TLN2: variants seen among roughly 807,000 people sequenced by gnomAD.
The protein encoded by TLN2 is talin 2.
A neutral mutation model predicts 294.7 loss-of-function variants in TLN2; 118 were observed. The ratio of observed to expected loss-of-function variants is 0.40; its 90% confidence interval spans 0.34 to 0.47. The LOEUF (loss-of-function observed/expected upper bound fraction) is 0.47. TLN2 is among the 20% of genes least tolerant of loss of function. TLN2 has a pLI of 0.84. For synonymous variants in TLN2, 1,431 were observed against 1,304.5 expected, an observed-to-expected ratio of 1.10 and a Z score of -2.09; for missense variants, 3,083 against 3,282.2, an observed-to-expected ratio of 0.94 and a Z score of 1.48.
intron 57 of TLN2, among the ~76,000 whole-genome samples, chr15:62,838,580 T>A (rs942042512): frequency 1.3e-5 from 2 of 152,232 alleles, no homozygotes; most frequent in African/African-American, 4.8e-5. Context: ...ATTTATTAAA[T>A]ATTTACATAA....
At chr15:62,722,588 A>G in intron 26 of TLN2, 101 bp downstream of exon 26, 1 of 1,376,108 alleles carries the variant, frequency 7.3e-7, no homozygotes, top group Admixed American at 2.6e-5. Context: ...TTTCTTGGCA[A>G]AGTTGTCCAT....
intron 5 of TLN2, 54 bp downstream of exon 5, chr15:62,650,235 T>C: frequency 1.9e-6 from 3 of 1,561,538 alleles, no homozygotes; most frequent in Non-Finnish European, 2.6e-6. Context: ...TGGGCCTTCT[T>C]CCATAGACGC....
intron 4 of TLN2, among the ~76,000 whole-genome samples, chr15:62,649,186 C>T (rs1173847232): frequency 6.6e-6 from 1 of 152,102 alleles, no homozygotes; most frequent in South Asian, 2.1e-4. Flanking sequence ...TTCTAGATTA[C>T]TCAGAAATAA....
chr15:62,807,294 C>G (rs1179871931), intron 51 of TLN2, among the ~76,000 whole-genome samples: 1 of 152,166 alleles, frequency 6.6e-6, no homozygotes, highest in Non-Finnish European at 1.5e-5. Context: ...TTTCGAAGAG[C>G]TGTCATATAT....
chr15:62,506,204 C>G (rs1209335153), intron 1 of TLN2, among the ~76,000 whole-genome samples: 1 of 152,110 alleles, frequency 6.6e-6, no homozygotes, highest in African/African-American at 2.4e-5. Flanking sequence ...TCTCTGTCCT[C>G]TGAAATCATT....
chr15:62,659,684 G>A (rs1038760292), intron 9 of TLN2, among the ~76,000 whole-genome samples: 1 of 152,200 alleles, frequency 6.6e-6, no homozygotes. Context: ...GTTTATGCCT[G>A]TAGTGGTACC....
At chr15:62,666,871 A>G (rs75289504) in intron 9 of TLN2, among the ~76,000 whole-genome samples, 5,527 of 152,324 alleles carry the variant, frequency 0.036, 346 homozygotes, top group African/African-American at 0.13. Flanking sequence ...TCATCTGATC[A>G]GAATTATCTA....
At position 62,520,581 on chromosome 15, in the gene TLN2, C is replaced by T. The variant is rs1013263591; in HGVS notation, c.-237-69106C>T. Reference sequence around the variant, plus strand: ...GTTATATCTACCCCTCTGTTGGCAACGGGACACTAAGTCAACCTTTTCTTA... The same window carrying T: ...GTTATATCTACCCCTCTGTTGGCAATGGGACACTAAGTCAACCTTTTCTTA... On this transcript the variant is annotated intron_variant, in intron 1 of 58. Transcript: ENST00000636159. Among the ~76,000 whole-genome samples, 8 of 152,266 alleles carry T rather than the reference C, an allele frequency of 5.3e-5. No individual in the cohort carries two copies. In the East Asian group the frequency reaches 5.8e-4, roughly 11 times the overall value.
At chr15:62,424,863 G>A (rs2034613237) in intron 1 of TLN2, among the ~76,000 whole-genome samples, 1 of 149,806 alleles carries the variant, frequency 6.7e-6, no homozygotes, top group South Asian at 2.1e-4. Context: ...GTGTTGGCCA[G>A]GCTGGTCTTG....
chr15:62,800,601 G>A (rs2065868629), intron 49 of TLN2, 52 bp from the exon 50 acceptor site: 6 of 1,611,344 alleles, frequency 3.7e-6, no homozygotes, highest in Non-Finnish European at 5.1e-6. Context: ...AAGGAGTAGG[G>A]GCTGGACCTG....
intron 1 of TLN2, among the ~76,000 whole-genome samples, chr15:62,571,545 A>G (rs1163772209): frequency 6.6e-6 from 1 of 152,216 alleles, no homozygotes; most frequent in Non-Finnish European, 1.5e-5. Context: ...TCATACTAAT[A>G]CAATTAAGTT....
At chr15:62,468,041 A>G (rs707598) in intron 1 of TLN2, among the ~76,000 whole-genome samples, 54,080 of 152,090 alleles carry the variant, frequency 0.36, 10,240 homozygotes, top group East Asian at 0.7. Flanking sequence ...GCTTTTAATA[A>G]TCCAGACCCT....
chr15:62,840,338 G>C (rs772233087), intron 58 of TLN2, 144 bp from the exon 59 acceptor site: 55 of 1,200,094 alleles, frequency 4.6e-5, no homozygotes, highest in Non-Finnish European at 6.1e-5. Context: ...GACAGAGGCT[G>C]GTCGCCAGAG....
chr15:62,758,084 A>G (rs2062419257), intron 37 of TLN2, among the ~76,000 whole-genome samples: 1 of 152,130 alleles, frequency 6.6e-6, no homozygotes, highest in Non-Finnish European at 1.5e-5. Flanking sequence ...TATGCTGCTT[A>G]GTGCTGTTTT....
intron 25 of TLN2, 51 bp from the exon 26 acceptor site, chr15:62,722,302 C>T: frequency 1.3e-6 from 2 of 1,569,216 alleles, no homozygotes; most frequent in Non-Finnish European, 1.7e-6. Flanking sequence ...TCTCTCCTCT[C>T]TACCTCTTGC....
intron 55 of TLN2, chr15:62,835,498 C>T (rs559435785): frequency 5.2e-6 from 3 of 578,192 alleles, no homozygotes; most frequent in Non-Finnish European, 9.3e-6. Flanking sequence ...TAAGTGGAGC[C>T]ATTCTTAGCA....
At chr15:62,754,421 G>A (rs998240765) in intron 36 of TLN2, 2 of 152,304 alleles carry the variant, frequency 1.3e-5, no homozygotes, top group African/African-American at 4.8e-5. Context: ...CTCAAAGTTG[G>A]GTAGAATCTG....
At chr15:62,748,263 A>G in intron 32 of TLN2, 88 bp from the exon 33 acceptor site, 1 of 1,007,278 alleles carries the variant, frequency 9.9e-7, no homozygotes, top group Non-Finnish European at 1.5e-6. Flanking sequence ...TAGTGAATTA[A>G]TTGTATTTCT....
rs746122194 is a variant in TLN2, at chr15:62,653,214, G to C, written c.417G>C (p.Lys139Asn). 4.3e-6 allele frequency: 7 copies of C among 1,610,834 alleles called. No individual in the cohort carries two copies. Among genetic ancestry groups the C allele is most frequent in the Non-Finnish European group, 5.9e-6 (7 of 1,178,590 alleles). The change falls in exon 7 of 59, where the codon AAG becomes AAC. Residue 139 changes from lysine (K) to asparagine (N), a missense_variant. Lys to Asn is a moderately conservative substitution (Grantham distance 94). Transcript: ENST00000636159. The part of the protein sequence containing the change: ...YSLIQETIEE[K>N]KEEGTGTLKK... ...TAATCCAAGAAACTATTGAAGAAAAGAAAGAGGAAGGAACGGGCACACTCA... is the reference window on the plus strand; with the variant it reads ...TAATCCAAGAAACTATTGAAGAAAACAAAGAGGAAGGAACGGGCACACTCA...
Sources: gnomAD v4.1 joint callset for allele counts (sites outside exome capture counted in the v4.1 genomes callset) on GRCh38, gnomAD v4.1.1 for gene constraint, MANE v1.5 for transcripts, NCBI Gene and HGNC (gene_info 2026-07-23, HGNC 2026-07-21) for gene names.